Variants in RGS12 observed in about 807,000 individuals in gnomAD.
RGS12 encodes the protein regulator of G-protein signaling 12.
A neutral mutation model predicts 120.1 loss-of-function variants in RGS12; 66 were observed. That is an observed-to-expected ratio of 0.55 (90% confidence interval 0.45 to 0.67). RGS12 has a LOEUF of 0.67. Ranked by LOEUF, RGS12 falls within the 30% of genes least tolerant of loss-of-function variation. RGS12 has a pLI of 0.00. For missense variants in RGS12, 1,859 were observed against 1,957.7 expected (o/e 0.95, Z 0.95); for synonymous variants, 827 against 804.7 (o/e 1.03, Z -0.47).
chr4:3,305,987 T>C (rs942878034), intron 1 of RGS12, among the ~76,000 whole-genome samples: 1 of 152,244 alleles, frequency 6.6e-6, no homozygotes, highest in Admixed American at 6.5e-5. Flanking sequence ...GTTCTAACTT[T>C]ATGGGCCTCC....
intron 1 of RGS12, among the ~76,000 whole-genome samples, chr4:3,301,955 C>G (rs940734992): frequency 6.6e-6 from 1 of 151,452 alleles, no homozygotes; most frequent in Admixed American, 6.6e-5. Context: ...AGGAAGTTGT[C>G]ATGTATCTGA....
chr4:3,309,132 G>A (rs1354494941), intron 1 of RGS12, among the ~76,000 whole-genome samples: 6 of 51,802 alleles, frequency 1.2e-4, no homozygotes, highest in East Asian at 6.0e-4. Context: ...GCTGGGACTC[G>A]GGAATGGCAG....
chr4:3,430,231 G>T (rs1272849332), intron 16 of RGS12, among the ~76,000 whole-genome samples, 176 bp from the exon 17 acceptor site: 1 of 152,218 alleles, frequency 6.6e-6, no homozygotes, highest in Non-Finnish European at 1.5e-5. Flanking sequence ...AAGCCCCAGG[G>T]CTGTCCCTTC....
chr4:3,436,685 G>A (rs1473018867), intron 17 of RGS12, among the ~76,000 whole-genome samples: 2 of 152,238 alleles, frequency 1.3e-5, no homozygotes, highest in East Asian at 3.9e-4. Context: ...CTAGGCCAGA[G>A]CAGCTGGCAG....
rs116785879 is a variant in RGS12 at position 3,337,364 on chromosome 4, A to G, written c.1882-5573A>G. On this transcript the variant is annotated intron_variant, in intron 2 of 17. Coordinates refer to ENST00000336727, the MANE Select transcript of RGS12 (RefSeq NM_001394154.1). ...CCACATGGCCCACAGTCCTACTTCT[A>G]CGTATATACCCAAAGAATTGAAATC... Among the ~76,000 whole-genome samples the G allele has an allele frequency of 1.0e-3, 154 of 152,348 alleles. 1 individual carries two copies. The highest frequency in any genetic ancestry group is 3.6e-3 in the African/African-American group (148 of 41,566).
intron 1 of RGS12, among the ~76,000 whole-genome samples, chr4:3,295,300 T>C (rs909506531): frequency 2.4e-4 from 36 of 152,194 alleles, no homozygotes; most frequent in African/African-American, 8.7e-4. Context: ...TCTGCAGGCC[T>C]GGTTGACAGT....
chr4:3,345,652 T>C (rs2108786635), intron 3 of RGS12, among the ~76,000 whole-genome samples: 2 of 152,378 alleles, frequency 1.3e-5, no homozygotes, highest in South Asian at 2.1e-4. Flanking sequence ...CGGTTTTGTC[T>C]GTTCCATGGG....
chr4:3,410,017 C>G (rs1721570357), intron 4 of RGS12, among the ~76,000 whole-genome samples: 1 of 152,232 alleles, frequency 6.6e-6, no homozygotes, highest in Non-Finnish European at 1.5e-5. Context: ...CATGGAAGTT[C>G]TCCCTTGCTC....
At chr4:3,332,268 C>T (rs1045045129) in intron 2 of RGS12, among the ~76,000 whole-genome samples, 8 of 152,278 alleles carry the variant, frequency 5.3e-5, no homozygotes, top group African/African-American at 1.9e-4. Context: ...GAATCGGTGG[C>T]GGTGTATTGA....
intron 7 of RGS12, 46 bp downstream of exon 7, chr4:3,416,167 CG>C: frequency 1.2e-6 from 2 of 1,606,944 alleles, no homozygotes; most frequent in Non-Finnish European, 1.7e-6. Flanking sequence ...GGCTAGGGCT[CG>C]GGGTATAGGG....
intron 4 of RGS12, among the ~76,000 whole-genome samples, chr4:3,401,312 AT>A (rs1297289369): frequency 6.6e-6 from 1 of 152,224 alleles, no homozygotes; most frequent in African/African-American, 2.4e-5. Context: ...GGAAGAAAAT[AT>A]TTTATGAATT....
intron 9 of RGS12, chr4:3,418,160 G>A (rs1722607056): frequency 6.6e-6 from 1 of 152,286 alleles, no homozygotes; most frequent in African/African-American, 2.4e-5. Context: ...TGTAACAAAA[G>A]TTAGGCAGAG....
chr4:3,309,800 TGTTGAGGAGGAGCTGGGACTTGGGAATG>T (rs1560646083), intron 1 of RGS12, among the ~76,000 whole-genome samples: 6 of 132,374 alleles, frequency 4.5e-5, no homozygotes, highest in Admixed American at 7.5e-5. Context: ...AGGGGAACCG[TGTTGAGGAGGAGCTGGGACTTGGGAATG>T]GCAGGTGTCT....
chr4:3,400,792 G>A (rs1007735240), intron 4 of RGS12, among the ~76,000 whole-genome samples: 5 of 148,766 alleles, frequency 3.4e-5, no homozygotes, highest in Admixed American at 2.0e-4. Context: ...AATAGAAAAA[G>A]CACTCATTCC....
chr4:3,424,729 G>A (rs1723428366), intron 13 of RGS12, among the ~76,000 whole-genome samples: 1 of 152,254 alleles, frequency 6.6e-6, no homozygotes. Flanking sequence ...TTGGGATGTG[G>A]CTTTTCCTTG....
chr4:3,290,082 C>A (rs1722976615), upstream of RGS12, among the ~76,000 whole-genome samples: 1 of 152,142 alleles, frequency 6.6e-6, no homozygotes. Flanking sequence ...GTTCCACATC[C>A]CGGCTATTGT....
At chr4:3,325,378 T>A (rs536096299) in intron 2 of RGS12, among the ~76,000 whole-genome samples, 18 of 152,218 alleles carry the variant, frequency 1.2e-4, no homozygotes, top group Admixed American at 3.3e-4. Flanking sequence ...TAATCCCCAA[T>A]GTGACAGTAT....
At chr4:3,439,029 G>A (rs929103841) in intron 17 of RGS12, among the ~76,000 whole-genome samples, 1 of 152,088 alleles carries the variant, frequency 6.6e-6, no homozygotes, top group Non-Finnish European at 1.5e-5. Flanking sequence ...AGCCTATCTG[G>A]AACTGAACCC....
intron 3 of RGS12, among the ~76,000 whole-genome samples, chr4:3,355,245 T>TA: frequency 6.6e-6 from 1 of 152,310 alleles, no homozygotes; most frequent in South Asian, 2.1e-4. Flanking sequence ...CCATTTATGG[T>TA]AAAACAAAGT....
Sources: allele counts gnomAD v4.1 joint callset (sites outside exome capture counted in the v4.1 genomes callset), GRCh38; gene constraint gnomAD v4.1.1; transcripts MANE v1.5; gene names NCBI Gene and HGNC (gene_info 2026-07-23, HGNC 2026-07-21).